Variants in OXR1 observed in about 807,000 individuals in gnomAD.
OXR1 encodes the protein oxidation resistance 1.
In OXR1, 41 loss-of-function variants were observed where a neutral mutation model predicts 104.6. That is an observed-to-expected ratio of 0.39 (90% CI 0.31 to 0.51). OXR1 has a LOEUF of 0.51. OXR1 is among the 20% of genes least tolerant of loss of function. The pLI is 0.77. For missense variants in OXR1, 955 were observed against 1,031.9 expected, an observed-to-expected ratio of 0.93 and a Z score of 1.02; for synonymous variants, 348 against 348.4, an observed-to-expected ratio of 1.00 and a Z score of 0.01.
At chr8:106,600,322 G>A (rs1468098951) in intron 3 of OXR1, among the ~76,000 whole-genome samples, 2 of 152,152 alleles carry the variant, frequency 1.3e-5, no homozygotes, top group Non-Finnish European at 2.9e-5. Flanking sequence ...AACCCAATGT[G>A]GCCTGTGGCT....
chr8:106,313,343 G>A (rs1813787716), intron 1 of OXR1, among the ~76,000 whole-genome samples: 1 of 152,126 alleles, frequency 6.6e-6, no homozygotes, highest in African/African-American at 2.4e-5. Context: ...TGAGAGAGTT[G>A]TAATTTCCAT....
At chr8:106,555,300 A>G (rs1009213795) in intron 3 of OXR1, among the ~76,000 whole-genome samples, 1 of 152,164 alleles carries the variant, frequency 6.6e-6, no homozygotes, top group Non-Finnish European at 1.5e-5. Flanking sequence ...TAATAAGTAT[A>G]TTGTGGAATG....
intron 2 of OXR1, among the ~76,000 whole-genome samples, chr8:106,502,840 A>G (rs939461660): frequency 7.9e-5 from 12 of 152,136 alleles, no homozygotes; most frequent in Admixed American, 6.5e-4. Context: ...ATTATTCTCA[A>G]TACCAATGCC....
At chr8:106,278,986 C>G (rs1309691286) in intron 1 of OXR1, among the ~76,000 whole-genome samples, 1 of 152,094 alleles carries the variant, frequency 6.6e-6, no homozygotes, top group Non-Finnish European at 1.5e-5. Flanking sequence ...GATACTTTAG[C>G]ACAATGCAGT....
At chr8:106,459,597 A>T (rs1586668148) in intron 2 of OXR1, among the ~76,000 whole-genome samples, 2 of 152,124 alleles carry the variant, frequency 1.3e-5, no homozygotes, top group African/African-American at 4.8e-5. Flanking sequence ...GTTAGGAAAA[A>T]TCTTCTTTAT....
intron 1 of OXR1, among the ~76,000 whole-genome samples, chr8:106,325,885 G>T (rs2130198604): frequency 6.6e-6 from 1 of 152,316 alleles, no homozygotes; most frequent in Non-Finnish European, 1.5e-5. Context: ...CATTCAAGGT[G>T]AAAGCATTTG....
chr8:106,686,121 A>G (rs1402881232), intron 6 of OXR1, among the ~76,000 whole-genome samples: 2 of 152,160 alleles, frequency 1.3e-5, no homozygotes, highest in East Asian at 3.9e-4. Context: ...TTGGGGACTC[A>G]GGCAAAAGGG....
chr8:106,285,026 G>A (rs1465011698), intron 1 of OXR1, among the ~76,000 whole-genome samples: 1 of 152,114 alleles, frequency 6.6e-6, no homozygotes, highest in Non-Finnish European at 1.5e-5. Flanking sequence ...GTGCAGGTTT[G>A]TTACATATGT....
chr8:106,584,287 A>G (rs1211496846), intron 3 of OXR1, among the ~76,000 whole-genome samples: 1 of 151,978 alleles, frequency 6.6e-6, no homozygotes, highest in Non-Finnish European at 1.5e-5. Flanking sequence ...CAGGATCTCC[A>G]GAAAGAGATA....
intron 3 of OXR1, among the ~76,000 whole-genome samples, chr8:106,632,310 T>G (rs1056265218): frequency 1.3e-5 from 2 of 152,206 alleles, no homozygotes; most frequent in Non-Finnish European, 2.9e-5. Flanking sequence ...TTCTGTGTCT[T>G]TTATCTTTAT....
chr8:106,598,781 G>A (rs7845941), intron 3 of OXR1, among the ~76,000 whole-genome samples: 31,500 of 152,070 alleles, frequency 0.21, 3,420 homozygotes, highest in East Asian at 0.41. Context: ...AAATTTTAGT[G>A]TAAACTTCAC....
chr8:106,742,237 G>A lies in OXR1; in HGVS notation c.2332G>A (p.Ala778Thr), dbSNP rs1587311427. Reference protein sequence around the residue: ...DSDGQVFGALASEPLKVSDGF... With the variant: ...DSDGQVFGALTSEPLKVSDGF... ...TTATCCTTAGGTTTTTGGTGCGTTA[G>A]CATCTGAGCCACTGAAAGTGAGTGA... The change falls in exon 15 of 17, where the codon GCA becomes ACA. Residue 778 changes from alanine (A) to threonine (T), a missense_variant. By Grantham distance (58) the Ala-to-Thr change is moderately conservative. Coordinates refer to ENST00000517566, the MANE Select transcript of OXR1 (RefSeq NM_001198533.2). 3.1e-6 allele frequency: 5 copies of A among 1,602,646 alleles called. No homozygotes were observed. Among genetic ancestry groups the A allele is most frequent in the Non-Finnish European group, 4.3e-6 (5 of 1,170,176 alleles).
At chr8:106,515,425 AT>A (rs1177417053) in intron 2 of OXR1, among the ~76,000 whole-genome samples, 1 of 152,116 alleles carries the variant, frequency 6.6e-6, no homozygotes, top group Non-Finnish European at 1.5e-5. Flanking sequence ...TCCTGATAAA[AT>A]TTTATATCCT....
chr8:106,576,992 C>T (rs1817884923), intron 3 of OXR1, among the ~76,000 whole-genome samples: 1 of 152,094 alleles, frequency 6.6e-6, no homozygotes, highest in South Asian at 2.1e-4. Context: ...GTAGGAGTAA[C>T]TTTCAACTAC....
chr8:106,342,973 TG>T (rs1162126214), intron 1 of OXR1, among the ~76,000 whole-genome samples: 1 of 152,188 alleles, frequency 6.6e-6, no homozygotes, highest in Non-Finnish European at 1.5e-5. Context: ...TTGCCTCTAC[TG>T]GAAGTCCTAT....
chr8:106,508,868 C>G (rs1263146828), intron 2 of OXR1, among the ~76,000 whole-genome samples: 1 of 152,128 alleles, frequency 6.6e-6, no homozygotes, highest in African/African-American at 2.4e-5. Flanking sequence ...TGGACTTTGG[C>G]CCAGATTATT....
chr8:106,405,310 A>T (rs1818193296), intron 2 of OXR1, among the ~76,000 whole-genome samples: 1 of 150,854 alleles, frequency 6.6e-6, no homozygotes, highest in Non-Finnish European at 1.5e-5. Flanking sequence ...AATCCAGGAA[A>T]GCTGGTGGCA....
At chr8:106,581,304 A>G (rs1818204832) in intron 3 of OXR1, 2 of 1,162,690 alleles carry the variant, frequency 1.7e-6, no homozygotes, top group Non-Finnish European at 2.3e-6. Flanking sequence ...TCATTTGCCT[A>G]AAAAATGTCA....
intron 1 of OXR1, among the ~76,000 whole-genome samples, chr8:106,304,566 T>G (rs1813396602): frequency 6.6e-6 from 1 of 152,184 alleles, no homozygotes; most frequent in Admixed American, 6.5e-5. Flanking sequence ...GTGAAATTAT[T>G]TGTAACAATA....
Sources: allele counts gnomAD v4.1 joint callset (sites outside exome capture counted in the v4.1 genomes callset), GRCh38; gene constraint gnomAD v4.1.1; transcripts MANE v1.5; gene names NCBI Gene and HGNC (gene_info 2026-07-23, HGNC 2026-07-21).